The following LAMP2 variants were observed in gnomAD, a reference collection of about 807,000 sequenced individuals.
LAMP2 encodes the protein lysosome associated membrane protein 2.
In LAMP2, 4 loss-of-function variants were observed where a neutral mutation model predicts 25.6. That is an observed-to-expected ratio of 0.16 (90% CI 0.08 to 0.36). The LOEUF is 0.36. Ranked by LOEUF, LAMP2 falls within the 10% of genes least tolerant of loss-of-function variation. The pLI is 1.00. For synonymous variants in LAMP2, 108 were observed against 112.7 expected (o/e 0.96, Z 0.27); for missense variants, 272 against 301.4 (o/e 0.90, Z 0.72).
intron 8 of LAMP2, among the ~76,000 whole-genome samples, chrX:120,441,337 A>T (rs767375782): frequency 2.2e-4 from 25 of 112,060 alleles, no homozygotes; most frequent in Non-Finnish European, 4.5e-4. Context: ...ACCGCTCTTT[A>T]TCTTTTGTCT....
chrX:120,456,543 G>A (rs759576390), intron 2 of LAMP2, 108 bp downstream of exon 2: 75 of 428,950 alleles, frequency 1.7e-4, no homozygotes, highest in Non-Finnish European at 2.8e-4. Flanking sequence ...CAGAGTTTCA[G>A]CATTAAGTCA....
chrX:120,428,721 A>C lies in LAMP2; in HGVS notation c.*2602T>G. 9.3e-7 allele frequency: 1 copy of C among 1,080,275 alleles called. No individual in the cohort carries two copies. The highest frequency in any genetic ancestry group is 1.2e-6 in the Non-Finnish European group (1 of 834,166). The allele number at this position is 1,080,275 out of a possible 1,213,427, so 89.0% of individuals were successfully genotyped here. On this transcript the variant is annotated 3_prime_UTR_variant, in exon 9 of 9. Transcript: ENST00000200639. ...CAAGAAACATGCATTTTGAAAGTGT[A>C]CATAGCTTAGTTTTTTATAGCATTA...
Position 120,446,278 on chromosome X carries a change from C to A in LAMP2, c.864+27G>T. 2.5e-6 allele frequency: 3 copies of A among 1,192,987 alleles called. No homozygotes were observed. The South Asian group carries it at 5.3e-5, about 21-fold the overall frequency. On this transcript the variant is annotated intron_variant, in intron 6 of 8. Transcript: ENST00000200639. ...TCAGATGTGTTTCTAAGAGAATGAACCTAACTTTAAAAAATCTGTTACTCA... is the reference window on the plus strand; with the variant it reads ...TCAGATGTGTTTCTAAGAGAATGAAACTAACTTTAAAAAATCTGTTACTCA...
At position 120,431,230 on chromosome X, in the gene LAMP2, T is replaced by C; in HGVS notation, c.*93A>G. ...ATAAAAGAATTAAAGTTTCAACATA[T>C]CAATTTTAAGAAGCAAAGTGTTTCA... On this transcript the variant is annotated 3_prime_UTR_variant, in exon 9 of 9. Transcript: ENST00000200639. 8.4e-7 allele frequency: 1 copy of C among 1,195,061 alleles called. No individual in the cohort carries two copies. Among genetic ancestry groups the C allele is most frequent in the Non-Finnish European group, 1.1e-6 (1 of 883,545 alleles).
intron 8 of LAMP2, chrX:120,437,412 C>CAAA (rs10565432): frequency 8.9e-6 from 6 of 673,783 alleles, no homozygotes; most frequent in African/African-American, 2.6e-5. Context: ...AATCCCACCA[C>CAAA]AAAAAAAAAA....
At chrX:120,441,184 A>AC (rs67238005) in intron 8 of LAMP2, among the ~76,000 whole-genome samples, 1 of 110,620 alleles carries the variant, frequency 9.0e-6, no homozygotes, top group Non-Finnish European at 1.9e-5. Context: ...GCCCTTCAAA[A>AC]GGTTTCATTA....
At chrX:120,451,076 C>T (rs978076519) in intron 3 of LAMP2, among the ~76,000 whole-genome samples, 2 of 109,410 alleles carry the variant, frequency 1.8e-5, no homozygotes, top group African/African-American at 6.6e-5. Flanking sequence ...TACAGGTGCA[C>T]GCCACCACGC....
intron 1 of LAMP2, among the ~76,000 whole-genome samples, chrX:120,462,826 C>A (rs1602544004): frequency 8.9e-6 from 1 of 112,201 alleles, no homozygotes; most frequent in East Asian, 2.8e-4. Context: ...AGCTGTGAGA[C>A]TTTGGGCAAG....
chrX:120,438,029 G>T, intron 8 of LAMP2: 1 of 250,642 alleles, frequency 4.0e-6, no homozygotes, highest in Non-Finnish European at 5.6e-6. Flanking sequence ...CTAATTTTTT[G>T]TATTTCTGAT....
At chrX:120,443,753 AG>A (rs1319666568) in intron 6 of LAMP2, among the ~76,000 whole-genome samples, 2 of 111,971 alleles carry the variant, frequency 1.8e-5, no homozygotes, top group African/African-American at 6.5e-5. Flanking sequence ...ATTGTGAGGC[AG>A]GCAGACCATG....
rs1024440041 is a variant in LAMP2, at chrX:120,429,651, G to A, written c.*1672C>T. The A allele has an allele frequency of 1.0e-4, 77 of 750,728 alleles. No individual in the cohort carries two copies. The highest frequency in any genetic ancestry group is 2.7e-4 in the Admixed American group (3 of 11,153). 61.9% of individuals were successfully genotyped at this position (750,728 alleles called of 1,213,427 possible). A position where few individuals can be genotyped will look rare whatever the true frequency, so the allele number is the denominator to read the frequency against. ...AAAAAACTTAAGCAAAACATAGTACGGAAGCCCAAAGTGCCCAATTCTGAT... is the reference window on the plus strand; with the variant it reads ...AAAAAACTTAAGCAAAACATAGTACAGAAGCCCAAAGTGCCCAATTCTGAT... On this transcript the variant is annotated 3_prime_UTR_variant, in exon 9 of 9. Coordinates refer to ENST00000200639, the MANE Select transcript of LAMP2 (RefSeq NM_002294.3).
At chrX:120,437,412 CAA>C (rs10565432) in intron 8 of LAMP2, 175,796 of 612,977 alleles carry the variant, frequency 0.29, 7,445 homozygotes, top group East Asian at 0.34. Flanking sequence ...AATCCCACCA[CAA>C]AAAAAAAAAA....
intron 8 of LAMP2, among the ~76,000 whole-genome samples, chrX:120,436,170 A>ACACACACACACACACT (rs1251901451): frequency 3.5e-5 from 2 of 57,307 alleles, no homozygotes; most frequent in African/African-American, 5.0e-5. Context: ...ACACACACAC[A>ACACACACACACACACT]CTCTCTCTCT....
chrX:120,428,516 T>G lies in LAMP2; in HGVS notation c.*2807A>C. ...GACTGATAACCAGTACGACTTTTCC[T>G]TCTTCCAATCATATAAGAGATAAAG... is the stretch of plus-strand genomic sequence containing the variant. On this transcript the variant is annotated 3_prime_UTR_variant, in exon 9 of 9. Transcript: ENST00000200639. 3.0e-5 allele frequency: 36 copies of G among 1,197,417 alleles called. No homozygotes were observed. Among genetic ancestry groups the G allele is most frequent in the Non-Finnish European group, 4.0e-5 (36 of 889,219 alleles).
At chrX:120,455,003 A>T (rs2058639408) in intron 3 of LAMP2, among the ~76,000 whole-genome samples, 1 of 102,521 alleles carries the variant, frequency 9.8e-6, no homozygotes, top group Non-Finnish European at 2.0e-5. Flanking sequence ...ATGTGTGTAT[A>T]TATATACTAG....
chrX:120,435,595 G>A (rs955840301), intron 8 of LAMP2, among the ~76,000 whole-genome samples: 1 of 112,038 alleles, frequency 8.9e-6, no homozygotes, highest in Admixed American at 9.5e-5. Context: ...ATACTAAGAT[G>A]TATGAAATAC....
chrX:120,454,533 G>A (rs1443485421), intron 3 of LAMP2, among the ~76,000 whole-genome samples: 1 of 109,970 alleles, frequency 9.1e-6, no homozygotes, highest in Non-Finnish European at 1.9e-5. Flanking sequence ...CATGAGGATC[G>A]CTTGAATCCA....
In LAMP2 at chrX:120,426,258, T is replaced by C. The variant is rs1283726456; in HGVS notation, c.*5065A>G. ...GCTTTATTTTGCAGGTATTAATTGG[T>C]TCTCTAAATCGATACATCCAAAACT... On this transcript the variant is annotated 3_prime_UTR_variant, in exon 9 of 9. Transcript: ENST00000200639. 3.0e-5 allele frequency among the ~76,000 whole-genome samples: 3 copies of C among 101,516 alleles called. No individual in the cohort carries two copies. The highest frequency in any genetic ancestry group is 6.0e-5 in the Non-Finnish European group (3 of 50,073). The allele number at this position is 101,516 out of a possible 115,157, so 88.2% of individuals were successfully genotyped here. A position where few individuals can be genotyped will look rare whatever the true frequency, so the allele number is the denominator to read the frequency against.
intron 1 of LAMP2, among the ~76,000 whole-genome samples, chrX:120,460,242 C>T: frequency 9.2e-6 from 1 of 109,217 alleles, no homozygotes; most frequent in Non-Finnish European, 1.9e-5. Context: ...CACTGCACTC[C>T]AGCCTGGGCA....
Sources: gnomAD v4.1 joint callset for allele counts (sites outside exome capture counted in the v4.1 genomes callset) on GRCh38, gnomAD v4.1.1 for gene constraint, MANE v1.5 for transcripts, NCBI Gene and HGNC (gene_info 2026-07-23, HGNC 2026-07-21) for gene names.